The following CLDN25 variants were observed in gnomAD, a reference collection of about 807,000 sequenced individuals.
The protein encoded by CLDN25 is claudin 25, also known as claudin-25.
For missense variants in CLDN25, 286 were observed against 279.7 expected, an observed-to-expected ratio of 1.02 and a Z score of -0.16; for synonymous variants, 117 against 112.7, an observed-to-expected ratio of 1.04 and a Z score of -0.24.
exon 1 of CLDN25, chr11:113,780,071 A>C (rs1016348772): frequency 6.2e-7 from 1 of 1,613,918 alleles, no homozygotes; most frequent in Non-Finnish European, 8.5e-7. Context: ...GGCTGGGCCT[A>C]TTGGGGCTTT....
exon 1 of CLDN25, chr11:113,779,862 T>C (rs1166069623): frequency 1.2e-6 from 2 of 1,614,030 alleles, no homozygotes; most frequent in Non-Finnish European, 1.7e-6. Flanking sequence ...TGGCTGGGTC[T>C]GCTCCTGTGT....
rs764892613 is a variant in CLDN25 at position 113,779,812 on chromosome 11, G to A, written c.17G>A (p.Arg6His). The A allele has an allele frequency of 7.2e-5, 116 of 1,610,940 alleles. 1 individual carries two copies. The highest frequency in any genetic ancestry group is 1.9e-4 in the South Asian group (17 of 90,992). ...GGAGTGACTATGGCCTGGAGTTTCCGTGCAAAAGTCCAGCTCGGGGGGCTA... is the reference window on the plus strand; with the variant it reads ...GGAGTGACTATGGCCTGGAGTTTCCATGCAAAAGTCCAGCTCGGGGGGCTA... Residue 6 changes from arginine (R) to histidine (H), a missense_variant, in exon 1 of 1, where the codon CGT (arginine) becomes CAT (histidine). By Grantham distance (29) the Arg-to-His change is conservative. Transcript: ENST00000453129.
exon 1 of CLDN25, chr11:113,779,829 G>A (rs367566026): frequency 3.3e-5 from 54 of 1,612,972 alleles, no homozygotes; most frequent in African/African-American, 8.0e-5. Flanking sequence ...AGTCCAGCTC[G>A]GGGGGCTACT....
chr11:113,779,969 G>A (rs1937799121), exon 1 of CLDN25: 1 of 1,613,762 alleles, frequency 6.2e-7, no homozygotes, highest in Non-Finnish European at 8.5e-7. Context: ...TGGATCGAGA[G>A]GAAGTCGCCA....
exon 1 of CLDN25, chr11:113,780,425 A>C (rs1215863889): frequency 6.2e-7 from 1 of 1,613,784 alleles, no homozygotes; most frequent in Non-Finnish European, 8.5e-7. Flanking sequence ...CCTGTGCTCC[A>C]GTGGAGGAGT....
chr11:113,780,255 C>G (rs758610171), exon 1 of CLDN25: 1 of 1,613,810 alleles, frequency 6.2e-7, no homozygotes, highest in African/African-American at 1.3e-5. Context: ...TGACAGCATC[C>G]CTGACATCAT....
At position 113,780,228 on chromosome 11, in the gene CLDN25, A is replaced by G. The variant is rs1305568679; in HGVS notation, c.433A>G (p.Ile145Val). ...AGTCTCCTGGGTGGCCCATGCCACA[A>G]TCCAAGACTTCTGGGATGACAGCAT... is the stretch of plus-strand genomic sequence containing the variant. The change falls in exon 1 of 1, where the codon ATC becomes GTC. Residue 145 changes from isoleucine to valine, a missense_variant. Physicochemically the swap from Ile to Val is conservative, Grantham distance 29 (BLOSUM62 3). Transcript: ENST00000453129. The G allele has an allele frequency of 5.6e-6, 9 of 1,613,692 alleles. No homozygotes were observed. The Admixed American group carries it at 1.0e-4, about 18-fold the overall frequency.
exon 1 of CLDN25, chr11:113,780,040 T>C (rs1256434367): frequency 5.6e-6 from 9 of 1,614,036 alleles, no homozygotes; most frequent in Non-Finnish European, 7.6e-6. Context: ...GTAGCCCGCA[T>C]CCTCATGGTA....
exon 1 of CLDN25, chr11:113,780,476 G>A (rs1294169104): frequency 3.7e-6 from 6 of 1,610,232 alleles, no homozygotes; most frequent in Non-Finnish European, 5.1e-6. Flanking sequence ...CTAGGAACCT[G>A]GTCATCTAGG....
At chr11:113,780,483 T>C (rs1937810266) in exon 1 of CLDN25, 1 of 1,605,348 alleles carries the variant, frequency 6.2e-7, no homozygotes, top group African/African-American at 1.3e-5. Context: ...CCTGGTCATC[T>C]AGGACTGGCT....
exon 1 of CLDN25, chr11:113,780,265 T>C: frequency 6.2e-7 from 1 of 1,613,864 alleles, no homozygotes; most frequent in Non-Finnish European, 8.5e-7. Context: ...CCTGACATCA[T>C]ACCTCGGTGG....
exon 1 of CLDN25, chr11:113,779,846 C>T (rs370403067): frequency 1.2e-6 from 2 of 1,613,710 alleles, no homozygotes; most frequent in African/African-American, 2.7e-5. Context: ...TACTTCTCTC[C>T]CTCCTTGGCT....
chr11:113,779,816 A>C, exon 1 of CLDN25: 4 of 1,611,994 alleles, frequency 2.5e-6, no homozygotes, highest in Non-Finnish European at 3.4e-6. Flanking sequence ...GTTTCCGTGC[A>C]AAAGTCCAGC....
At chr11:113,780,313 G>C (rs1166969448) in exon 1 of CLDN25, 13 of 1,613,696 alleles carry the variant, frequency 8.1e-6, no homozygotes, top group Non-Finnish European at 1.0e-5. Flanking sequence ...TGGGCTGCTG[G>C]TATTTTCCTG....
In CLDN25 at chr11:113,780,129, TG is replaced by T; in HGVS notation, c.337del (p.Val113TyrfsTer86). 1.2e-6 allele frequency: 2 copies of T among 1,613,988 alleles called. No homozygotes were observed. Among genetic ancestry groups the T allele is most frequent in the Non-Finnish European group, 1.7e-6 (2 of 1,179,886 alleles). On this transcript the variant is annotated frameshift_variant, in exon 1 of 1. Coordinates refer to ENST00000453129, the Ensembl canonical transcript of CLDN25. LOFTEE classifies it low-confidence loss of function (END_TRUNC). ...ATGCTTCCAGTTTCACAGGATCAGA[TG>T]GGTATTCAAGAGGCGGCTTGGTCTC...
exon 1 of CLDN25, chr11:113,780,020 G>C (rs1937800514): frequency 6.2e-7 from 1 of 1,613,946 alleles, no homozygotes; most frequent in Admixed American, 1.7e-5. Flanking sequence ...CTCTGCCCCA[G>C]GAGCTCCAGG....
rs756977984 is a variant in CLDN25 at position 113,779,923 on chromosome 11, T to A, written c.128T>A (p.Met43Lys). The change falls in exon 1 of 1, where the codon ATG becomes AAG. Residue 43 changes from methionine to lysine, a missense_variant. Physicochemically the swap from Met to Lys is moderately conservative, Grantham distance 95. Coordinates refer to ENST00000453129, the Ensembl canonical transcript of CLDN25. ...ACTCTTAATCTGGAACTGAACGAGA[T>A]GGAGACCTGGATCATGGGGATTTGG... is the stretch of plus-strand genomic sequence containing the variant. 11 of 1,613,710 alleles carry A rather than the reference T, an allele frequency of 6.8e-6. No homozygotes were observed. Among genetic ancestry groups the A allele is most frequent in the Non-Finnish European group, 9.3e-6 (11 of 1,179,884 alleles).
chr11:113,780,315 A>G (rs764144573), exon 1 of CLDN25: 2 of 1,613,270 alleles, frequency 1.2e-6, no homozygotes, highest in South Asian at 2.2e-5. Flanking sequence ...GGCTGCTGGT[A>G]TTTTCCTGGC....
chr11:113,779,896 A>C (rs1054481490), exon 1 of CLDN25: 44 of 1,613,860 alleles, frequency 2.7e-5, no homozygotes, highest in Non-Finnish European at 3.2e-5. Context: ...CCCCAGTGGA[A>C]GACTCTTAAT....
Sources: gnomAD v4.1 joint callset for allele counts on GRCh38, gnomAD v4.1.1 for gene constraint, MANE v1.5 for transcripts, NCBI Gene and HGNC (gene_info 2026-07-23, HGNC 2026-07-21) for gene names.